RIMBP2: variants seen among roughly 807,000 people sequenced by gnomAD.
RIMBP2 encodes the protein RIMS-binding protein 2.
RIMBP2 carries 48 observed loss-of-function variants against 118.6 expected under a neutral mutation model. The observed-to-expected ratio is 0.40, with a 90% CI of 0.32 to 0.51. RIMBP2 has a LOEUF of 0.51. Ranked by LOEUF, RIMBP2 falls within the 20% of genes least tolerant of loss-of-function variation. The pLI is 0.41. For synonymous variants in RIMBP2, 762 were observed against 742.9 expected (o/e 1.03, Z -0.42); for missense variants, 1,551 against 1,768.3 (o/e 0.88, Z 2.20).
rs2137066033 is a variant in RIMBP2, at chr12:130,438,346, C to CAAAAAA, written c.1656+18_1656+19insTTTTTT. On this transcript the variant is annotated intron_variant, in intron 12 of 22. Coordinates refer to ENST00000690449, the MANE Select transcript of RIMBP2 (RefSeq NM_001393629.1). ...TTAGGGCCTAACAAACCCTCCCCACCCACCCAACGAAAACTCACCCTCTGC... is the reference window on the plus strand; with the variant it reads ...TTAGGGCCTAACAAACCCTCCCCACCAAAAAACACCCAACGAAAACTCACCCTCTGC... 6.6e-7 allele frequency: 1 copy of CAAAAAA among 1,509,474 alleles called. No individual in the cohort carries two copies. The highest frequency in any genetic ancestry group is 9.2e-7 in the Non-Finnish European group (1 of 1,084,970). 93.5% of individuals were successfully genotyped at this position (1,509,474 alleles called of 1,614,324 possible). A position where few individuals can be genotyped will look rare whatever the true frequency, so the allele number is the denominator to read the frequency against.
intron 1 of RIMBP2, among the ~76,000 whole-genome samples, chr12:130,714,695 C>A (rs1950202489): frequency 1.3e-5 from 2 of 152,220 alleles, no homozygotes; most frequent in Non-Finnish European, 2.9e-5. Flanking sequence ...CACGCCCCAC[C>A]ACCCCCCACT....
intron 2 of RIMBP2, among the ~76,000 whole-genome samples, chr12:130,535,779 A>ATATG (rs2054018251): frequency 1.8e-5 from 2 of 111,054 alleles, no homozygotes; most frequent in Non-Finnish European, 3.8e-5. Context: ...ATATATATAT[A>ATATG]TATACACATA....
intron 2 of RIMBP2, among the ~76,000 whole-genome samples, chr12:130,519,440 C>T (rs1193717353): frequency 6.6e-6 from 1 of 152,216 alleles, no homozygotes; most frequent in Admixed American, 6.5e-5. Context: ...ATTACCCAAC[C>T]TTAGGGAAAG....
intron 2 of RIMBP2, among the ~76,000 whole-genome samples, chr12:130,533,867 CAG>C (rs1290965418): frequency 6.6e-6 from 1 of 152,092 alleles, no homozygotes; most frequent in Non-Finnish European, 1.5e-5. Flanking sequence ...CACGTGGACA[CAG>C]AAAGTGGAAT....
intron 6 of RIMBP2, among the ~76,000 whole-genome samples, chr12:130,460,691 A>C (rs1172482046): frequency 6.6e-6 from 1 of 152,170 alleles, no homozygotes; most frequent in Non-Finnish European, 1.5e-5. Flanking sequence ...ATGCAATATT[A>C]GCAGCAGCAA....
intron 21 of RIMBP2, among the ~76,000 whole-genome samples, chr12:130,405,798 A>G (rs1294806145): frequency 2.0e-5 from 3 of 151,626 alleles, no homozygotes; most frequent in African/African-American, 7.3e-5. Context: ...GCTTATTTGT[A>G]TTTCTTCCTT....
intron 2 of RIMBP2, among the ~76,000 whole-genome samples, chr12:130,585,328 T>C (rs1463923819): frequency 6.6e-6 from 1 of 152,106 alleles, no homozygotes; most frequent in Non-Finnish European, 1.5e-5. Flanking sequence ...TTTTGGACGT[T>C]TGGGGAGTGA....
At chr12:130,456,467 C>T in intron 7 of RIMBP2, 29 bp downstream of exon 7, 2 of 1,535,714 alleles carry the variant, frequency 1.3e-6, no homozygotes, top group Non-Finnish European at 1.8e-6. Context: ...CTCCCCACCA[C>T]AGCCAAGGCG....
At chr12:130,403,256 C>T (rs1417616226) in intron 21 of RIMBP2, among the ~76,000 whole-genome samples, 6 of 152,200 alleles carry the variant, frequency 3.9e-5, no homozygotes, top group Non-Finnish European at 8.8e-5. Context: ...GCAGTCCGCT[C>T]AGTGAACATG....
At chr12:130,546,146 C>T (rs984372972) in intron 2 of RIMBP2, among the ~76,000 whole-genome samples, 4 of 146,856 alleles carry the variant, frequency 2.7e-5, no homozygotes, top group Non-Finnish European at 6.0e-5. Context: ...CTCTGTTGCC[C>T]AGGCTGGAGT....
chr12:130,693,002 A>C (rs148899693), intron 1 of RIMBP2, among the ~76,000 whole-genome samples: 2 of 152,196 alleles, frequency 1.3e-5, no homozygotes, highest in Non-Finnish European at 2.9e-5. Flanking sequence ...ACACATTTAT[A>C]AGTGAGGAAC....
At chr12:130,436,759 T>A in intron 13 of RIMBP2, 83 bp downstream of exon 13, 1 of 1,155,650 alleles carries the variant, frequency 8.7e-7, no homozygotes. Context: ...CGGGTCCCCC[T>A]CCATGGGCTG....
rs1249952248 is a variant in RIMBP2 at position 130,523,178 on chromosome 12, C to A, written c.-216-5261G>T. Among the ~76,000 whole-genome samples, 1 of 151,970 alleles carries A rather than the reference C, an allele frequency of 6.6e-6. No individual in the cohort carries two copies. Among genetic ancestry groups the A allele is most frequent in the Non-Finnish European group, 1.5e-5 (1 of 67,974 alleles). ...GTCTGTCTGTGTCTCTGTTTCTCTG[C>A]CTCTCTGTCTCTATTTCTCTGTGTT... On this transcript the variant is annotated intron_variant, in intron 2 of 22. Coordinates refer to ENST00000690449, the MANE Select transcript of RIMBP2 (RefSeq NM_001393629.1). The surrounding 1 kb of genome is among the most constrained non-coding windows in gnomAD (Gnocchi z 4.4).
intron 14 of RIMBP2, chr12:130,432,169 T>G (rs577939005): frequency 2.2e-6 from 1 of 452,458 alleles, no homozygotes; most frequent in African/African-American, 2.0e-5. Context: ...AGGTGATGAT[T>G]CACTCCTGGA....
At chr12:130,436,321 G>A (rs1269613045) in intron 13 of RIMBP2, among the ~76,000 whole-genome samples, 1 of 152,214 alleles carries the variant, frequency 6.6e-6, no homozygotes, top group Admixed American at 6.5e-5. Flanking sequence ...ATGTCCGTAT[G>A]CGTTTCTACA....
intron 1 of RIMBP2, among the ~76,000 whole-genome samples, chr12:130,662,957 A>T (rs1488111873): frequency 6.6e-6 from 1 of 152,174 alleles, no homozygotes; most frequent in Non-Finnish European, 1.5e-5. Flanking sequence ...CCCTGTCTAA[A>T]AAAAAGAATC....
chr12:130,712,158 C>T (rs73452225), intron 1 of RIMBP2, among the ~76,000 whole-genome samples: 6,006 of 152,286 alleles, frequency 0.039, 123 homozygotes, highest in South Asian at 0.064. Context: ...CATTCCTGTA[C>T]GTGTCTGTAG....
At chr12:130,528,161 C>A (rs574512884) in intron 2 of RIMBP2, among the ~76,000 whole-genome samples, 1 of 152,276 alleles carries the variant, frequency 6.6e-6, no homozygotes, top group African/African-American at 2.4e-5. Flanking sequence ...TTCACTGCAG[C>A]ACCATTCACA....
chr12:130,523,788 G>A lies in RIMBP2; in HGVS notation c.-216-5871C>T, dbSNP rs1302932471. Among the ~76,000 whole-genome samples the A allele has an allele frequency of 6.6e-6, 1 of 152,220 alleles. No individual in the cohort carries two copies. The highest frequency in any genetic ancestry group is 6.5e-5 in the Admixed American group (1 of 15,290). On this transcript the variant is annotated intron_variant, in intron 2 of 22. Coordinates refer to ENST00000690449, the MANE Select transcript of RIMBP2 (RefSeq NM_001393629.1). The surrounding 1 kb of genome is among the most constrained non-coding windows in gnomAD (Gnocchi z 4.4). The stretch of plus-strand genomic sequence containing the variant: ...CCCAGCCTTGTGGGTGCAGCAGACA[G>A]CGCAGGGCATTCTGGGTTGAGATGT...
Sources: gnomAD v4.1 joint callset for allele counts (sites outside exome capture counted in the v4.1 genomes callset) on GRCh38, gnomAD v4.1.1 for gene constraint, Gnocchi (gnomAD v3.1) non-coding constraint, MANE v1.5 for transcripts, NCBI Gene and HGNC (gene_info 2026-07-23, HGNC 2026-07-21) for gene names.